The following PAK3 variants were observed in gnomAD, a reference collection of about 807,000 sequenced individuals.
PAK3 encodes serine/threonine-protein kinase PAK 3.
A neutral mutation model predicts 41.0 loss-of-function variants in PAK3; 4 were observed. The ratio of observed to expected loss-of-function variants is 0.10; its 90% CI spans 0.05 to 0.22. The LOEUF is 0.22. PAK3 is among the 10% of genes least tolerant of loss of function. The pLI is 1.00. For missense variants in PAK3, 205 were observed against 409.9 expected, an observed-to-expected ratio of 0.50 and a Z score of 4.32; for synonymous variants, 146 against 139.6, an observed-to-expected ratio of 1.05 and a Z score of -0.32.
chrX:111,037,796 T>TA (rs2092414861), intron 1 of PAK3, among the ~76,000 whole-genome samples: 1 of 111,670 alleles, frequency 9.0e-6, no homozygotes, highest in Non-Finnish European at 1.9e-5. Context: ...TTTCAATATT[T>TA]AAAAAACCTG....
chrX:110,973,480 G>A (rs1363977503), intron 1 of PAK3, among the ~76,000 whole-genome samples: 3 of 111,744 alleles, frequency 2.7e-5, no homozygotes, highest in Non-Finnish European at 5.6e-5. Context: ...CCTAAGTGAA[G>A]GAGAAATGAA....
At chrX:111,105,153 C>T (rs1396218291) in intron 4 of PAK3, among the ~76,000 whole-genome samples, 4 of 111,621 alleles carry the variant, frequency 3.6e-5, no homozygotes, top group Non-Finnish European at 5.6e-5. Context: ...GGTACATTCA[C>T]ACTGCCACAA....
chrX:111,014,241 G>C (rs1377925467), intron 1 of PAK3, among the ~76,000 whole-genome samples: 1 of 111,310 alleles, frequency 9.0e-6, no homozygotes, highest in Admixed American at 9.6e-5. Context: ...AACCATAGTC[G>C]GCTTTCCACT....
chrX:111,014,816 G>A (rs772476213), intron 1 of PAK3, among the ~76,000 whole-genome samples: 3 of 111,361 alleles, frequency 2.7e-5, no homozygotes, highest in African/African-American at 6.5e-5. Flanking sequence ...TCCTTGTTCC[G>A]CAGGGACTCA....
chrX:111,005,870 G>A (rs896228469), intron 1 of PAK3, among the ~76,000 whole-genome samples: 2 of 111,659 alleles, frequency 1.8e-5, no homozygotes, highest in African/African-American at 3.3e-5. Context: ...ACATTAGTGA[G>A]GTGGCATCAA....
At chrX:111,048,382 A>G (rs1169851047) in intron 1 of PAK3, among the ~76,000 whole-genome samples, 1 of 111,380 alleles carries the variant, frequency 9.0e-6, no homozygotes, top group East Asian at 2.8e-4. Flanking sequence ...CCTGTTGATG[A>G]TGCTCATATT....
upstream of PAK3, among the ~76,000 whole-genome samples, chrX:111,091,879 G>T (rs147088874): frequency 6.6e-3 from 735 of 111,848 alleles, 1 homozygote; most frequent in Middle Eastern, 9.3e-3. Context: ...AAAGAGTGGG[G>T]ACACTTTTTT....
intron 4 of PAK3, among the ~76,000 whole-genome samples, chrX:111,103,545 A>G (rs2093189310): frequency 8.9e-6 from 1 of 111,830 alleles, no homozygotes; most frequent in Non-Finnish European, 1.9e-5. Flanking sequence ...GAGGAGGAGA[A>G]ACAACATAAC....
At chrX:110,960,006 G>A (rs1444623461) in intron 1 of PAK3, among the ~76,000 whole-genome samples, 1 of 111,709 alleles carries the variant, frequency 9.0e-6, no homozygotes, top group Non-Finnish European at 1.9e-5. Flanking sequence ...TCTTCCTCAT[G>A]TACCCACACT....
intron 7 of PAK3, among the ~76,000 whole-genome samples, chrX:111,148,409 A>T (rs1256015827): frequency 8.9e-6 from 1 of 111,870 alleles, no homozygotes; most frequent in Non-Finnish European, 1.9e-5. Context: ...CCAAATCTTG[A>T]CCTTATTTGC....
intron 5 of PAK3, among the ~76,000 whole-genome samples, chrX:111,139,817 T>C (rs903391822): frequency 8.9e-6 from 1 of 111,970 alleles, no homozygotes; most frequent in African/African-American, 3.2e-5. Flanking sequence ...TGAATTCAAA[T>C]TGATATAAGA....
At chrX:111,024,165 G>T (rs186458502) in intron 1 of PAK3, among the ~76,000 whole-genome samples, 208 of 111,820 alleles carry the variant, frequency 1.9e-3, no homozygotes, top group African/African-American at 6.4e-3. Context: ...TTTCCCCATT[G>T]CTTGTTTTTG....
chrX:110,968,463 C>T (rs1242417800), intron 1 of PAK3, among the ~76,000 whole-genome samples: 1 of 112,493 alleles, frequency 8.9e-6, no homozygotes, highest in Non-Finnish European at 1.9e-5. Context: ...ATCAGTGATC[C>T]AATTTCTCTA....
intron 10 of PAK3, among the ~76,000 whole-genome samples, chrX:111,168,297 T>C (rs1392252571): frequency 8.9e-6 from 1 of 112,306 alleles, no homozygotes; most frequent in Non-Finnish European, 1.9e-5. Context: ...TAGGAAGTTC[T>C]GGTAGGAAAT....
chrX:111,080,402 G>A (rs563840275), intron 1 of PAK3, among the ~76,000 whole-genome samples: 9 of 112,121 alleles, frequency 8.0e-5, no homozygotes, highest in East Asian at 5.6e-4. Context: ...TCAGATGATC[G>A]ATAACATTGT....
chrX:111,209,356 G>A (rs2094793765), intron 16 of PAK3, among the ~76,000 whole-genome samples: 1 of 112,008 alleles, frequency 8.9e-6, no homozygotes, highest in African/African-American at 3.2e-5. Flanking sequence ...ATTATAAACA[G>A]TCTAAAATAA....
At chrX:111,219,236 A>G (rs1185416666) in intron 17 of PAK3, among the ~76,000 whole-genome samples, 1 of 102,200 alleles carries the variant, frequency 9.8e-6, no homozygotes, top group Non-Finnish European at 2.0e-5. Context: ...TAATAATAAT[A>G]AGCAAGAGAT....
intron 1 of PAK3, chrX:111,013,943 C>T (rs949819446): frequency 8.9e-6 from 1 of 111,923 alleles, no homozygotes; most frequent in Admixed American, 9.4e-5. Context: ...TCTTCCTCAT[C>T]AGCAGAAATG....
intron 4 of PAK3, among the ~76,000 whole-genome samples, chrX:111,110,809 G>A (rs2093357369): frequency 8.9e-6 from 1 of 112,318 alleles, no homozygotes; most frequent in Non-Finnish European, 1.9e-5. Context: ...AGAATTATAA[G>A]ACATCAAGCT....
Sources: gnomAD v4.1 joint callset for allele counts (sites outside exome capture counted in the v4.1 genomes callset) on GRCh38, gnomAD v4.1.1 for gene constraint, MANE v1.5 for transcripts, NCBI Gene and HGNC (gene_info 2026-07-23, HGNC 2026-07-21) for gene names.